NEO1: variants seen among roughly 807,000 people sequenced by gnomAD.
NEO1 encodes the protein neogenin 1, also known as neogenin.
In NEO1, 63 loss-of-function variants were observed where a neutral mutation model predicts 159.7. That is an observed-to-expected ratio of 0.39 (90% CI 0.32 to 0.49). The LOEUF (loss-of-function observed/expected upper bound fraction) is 0.49. Among genes scored for constraint, NEO1 ranks in the 20% least tolerant of loss-of-function variants. The pLI is 0.85. For synonymous variants in NEO1, 633 were observed against 662.0 expected (o/e 0.96, Z 0.67); for missense variants, 1,615 against 1,831.0 (o/e 0.88, Z 2.15).
At chr15:73,116,070 T>C (rs2151610679) in intron 1 of NEO1, among the ~76,000 whole-genome samples, 1 of 152,332 alleles carries the variant, frequency 6.6e-6, no homozygotes, top group Non-Finnish European at 1.5e-5. Context: ...GTCAGTCGGA[T>C]GAATAAATTC....
intron 23 of NEO1, among the ~76,000 whole-genome samples, chr15:73,284,162 GA>G (rs56783188): frequency 0.29 from 42,904 of 148,530 alleles, 7,036 homozygotes; most frequent in East Asian, 0.56. Flanking sequence ...AAAATAGATA[GA>G]AAAAAAAAAG....
At chr15:73,204,901 C>T (rs776894524) in intron 7 of NEO1, among the ~76,000 whole-genome samples, 6 of 151,874 alleles carry the variant, frequency 4.0e-5, no homozygotes, top group Non-Finnish European at 8.8e-5. Context: ...TATGTTAATC[C>T]AGCTAGAAGT....
chr15:73,276,837 G>A (rs2041447998), intron 21 of NEO1, among the ~76,000 whole-genome samples: 1 of 152,138 alleles, frequency 6.6e-6, no homozygotes, highest in Non-Finnish European at 1.5e-5. Flanking sequence ...GGCTTTATTT[G>A]TAGAAATAAC....
chr15:73,202,870 A>G (rs539115305), intron 7 of NEO1, among the ~76,000 whole-genome samples: 11 of 152,308 alleles, frequency 7.2e-5, no homozygotes, highest in Admixed American at 6.5e-4. Context: ...TAGAAATCAT[A>G]CAGTATTTAT....
At chr15:73,121,796 T>G (rs1418105066) in intron 2 of NEO1, among the ~76,000 whole-genome samples, 1 of 152,100 alleles carries the variant, frequency 6.6e-6, no homozygotes, top group Non-Finnish European at 1.5e-5. Context: ...CCAGATTTAA[T>G]CAGAGGAAGC....
At chr15:73,115,071 A>G (rs2071223448) in intron 1 of NEO1, among the ~76,000 whole-genome samples, 1 of 151,708 alleles carries the variant, frequency 6.6e-6, no homozygotes, top group South Asian at 2.1e-4. Context: ...TTTGAGACGG[A>G]GTCTGGCTCT....
At chr15:73,137,195 CTCAGA>C (rs1444871410) in intron 5 of NEO1, among the ~76,000 whole-genome samples, 1 of 152,068 alleles carries the variant, frequency 6.6e-6, no homozygotes, top group Non-Finnish European at 1.5e-5. Context: ...TACAATTACT[CTCAGA>C]TTGGCAACCA....
At chr15:73,268,242 A>G (rs2041007421) in intron 16 of NEO1, among the ~76,000 whole-genome samples, 1 of 152,192 alleles carries the variant, frequency 6.6e-6, no homozygotes, top group African/African-American at 2.4e-5. Flanking sequence ...AAGTATTTAA[A>G]TAAGTGGTCT....
At chr15:73,051,742 G>C (rs1055259746), upstream of NEO1, 1 of 151,894 alleles carries the variant, frequency 6.6e-6, no homozygotes, top group South Asian at 2.1e-4. Flanking sequence ...CCCCTCCCAC[G>C]GGAGCCGCGC....
chr15:73,206,472 T>C (rs2037231523), intron 7 of NEO1, among the ~76,000 whole-genome samples: 2 of 152,284 alleles, frequency 1.3e-5, no homozygotes, highest in African/African-American at 4.8e-5. Flanking sequence ...ATAAGCACTC[T>C]TTTTGGGGAA....
intron 5 of NEO1, among the ~76,000 whole-genome samples, chr15:73,149,109 G>C (rs1010374911): frequency 6.6e-6 from 1 of 152,022 alleles, no homozygotes; most frequent in Non-Finnish European, 1.5e-5. Context: ...GAGGTCAAGA[G>C]ATTGAGACCA....
At chr15:73,079,068 G>T (rs140230032) in intron 1 of NEO1, among the ~76,000 whole-genome samples, 1 of 152,298 alleles carries the variant, frequency 6.6e-6, no homozygotes, top group Non-Finnish European at 1.5e-5. Flanking sequence ...AAAGAGAAAG[G>T]AAAGAAGCTC....
At chr15:73,242,848 G>A (rs987282260) in intron 8 of NEO1, among the ~76,000 whole-genome samples, 1 of 152,210 alleles carries the variant, frequency 6.6e-6, no homozygotes, top group Non-Finnish European at 1.5e-5. Context: ...GGAAATGGAA[G>A]CAGGGCAGGA....
chr15:73,236,600 T>C, intron 8 of NEO1, 94 bp downstream of exon 8: 2 of 1,059,742 alleles, frequency 1.9e-6, no homozygotes, highest in South Asian at 2.9e-5. Flanking sequence ...TACCAATTTT[T>C]AGTCCAGAAA....
intron 7 of NEO1, among the ~76,000 whole-genome samples, chr15:73,210,809 AAGTT>A (rs999183651): frequency 2.0e-5 from 3 of 152,196 alleles, no homozygotes; most frequent in Non-Finnish European, 4.4e-5. Flanking sequence ...TAAACTAAGT[AAGTT>A]CTGTTTAGAA....
chr15:73,200,913 C>T (rs2036846082), intron 7 of NEO1, among the ~76,000 whole-genome samples: 1 of 151,872 alleles, frequency 6.6e-6, no homozygotes, highest in African/African-American at 2.4e-5. Flanking sequence ...AACTCCTGAG[C>T]TCAAGTGATC....
intron 1 of NEO1, among the ~76,000 whole-genome samples, chr15:73,088,158 A>G (rs901344032): frequency 6.6e-6 from 1 of 152,018 alleles, no homozygotes; most frequent in Non-Finnish European, 1.5e-5. Context: ...ATATCTGACT[A>G]TGCATATTCA....
Position 73,270,006 on chromosome 15 carries a change from T to C in NEO1, c.2495-4T>C. ...CTTCCCTTTTTAAATTATTTTCTGC[T>C]CAGACACTTCTGAAGTTGATTTATT... On this transcript the variant is annotated splice_region_variant and splice_polypyrimidine_tract_variant and intron_variant, in intron 16 of 28. Transcript: ENST00000261908. 1 of 1,611,046 alleles carries C rather than the reference T, an allele frequency of 6.2e-7. No individual in the cohort carries two copies. The highest frequency in any genetic ancestry group is 8.5e-7 in the Non-Finnish European group (1 of 1,177,472).
intron 1 of NEO1, among the ~76,000 whole-genome samples, chr15:73,065,274 C>A (rs951164571): frequency 1.3e-5 from 2 of 151,780 alleles, no homozygotes; most frequent in South Asian, 2.1e-4. Context: ...GATTTACCCA[C>A]GTATTTCGTT....
Sources: allele counts gnomAD v4.1 joint callset (sites outside exome capture counted in the v4.1 genomes callset), GRCh38; gene constraint gnomAD v4.1.1; transcripts MANE v1.5; gene names NCBI Gene and HGNC (gene_info 2026-07-23, HGNC 2026-07-21).